TRMT11: variants seen among roughly 807,000 people sequenced by gnomAD.
TRMT11 encodes tRNA methyltransferase 11.
In TRMT11, 53 loss-of-function variants were observed where a neutral mutation model predicts 62.8. The ratio of observed to expected loss-of-function variants is 0.84; its 90% CI spans 0.68 to 1.06. The LOEUF is 1.06. TRMT11 is among the 50% of genes least tolerant of loss of function. TRMT11 has a pLI of 0.00. For synonymous variants in TRMT11, 188 were observed against 190.3 expected (o/e 0.99, Z 0.10); for missense variants, 556 against 553.4 (o/e 1.00, Z -0.05).
the TRMT11 span, among the ~76,000 whole-genome samples, chr6:126,216,838 GTCTC>G: frequency 1.3e-5 from 2 of 151,586 alleles, no homozygotes; most frequent in Non-Finnish European, 2.9e-5. Flanking sequence ...TTATACACCT[GTCTC>G]TCTCTCTTCC....
intron 11 of TRMT11, among the ~76,000 whole-genome samples, chr6:126,017,334 A>G (rs905387575): frequency 2.0e-5 from 3 of 152,230 alleles, no homozygotes; most frequent in Non-Finnish European, 4.4e-5. Context: ...TGAAAAGTAT[A>G]AGACATAAAA....
At chr6:126,170,243 C>T (rs1159348736) in intron 21 of TRMT11, among the ~76,000 whole-genome samples, 2 of 152,034 alleles carry the variant, frequency 1.3e-5, no homozygotes, top group Non-Finnish European at 2.9e-5. Context: ...GTTTTATTCT[C>T]TTACCATGCA....
intron 12 of TRMT11, among the ~76,000 whole-genome samples, chr6:126,022,547 G>A (rs1795981985): frequency 6.6e-6 from 1 of 152,102 alleles, no homozygotes; most frequent in Non-Finnish European, 1.5e-5. Context: ...CCTGGTTTAT[G>A]TTCACAGTCT....
intron 2 of TRMT11, among the ~76,000 whole-genome samples, chr6:125,994,097 T>C (rs1791057569): frequency 6.6e-6 from 1 of 152,348 alleles, no homozygotes; most frequent in African/African-American, 2.4e-5. Context: ...ATTGGTGAGC[T>C]GTGTTTAGAA....
At chr6:126,106,641 G>A (rs1277770012) in intron 17 of TRMT11, among the ~76,000 whole-genome samples, 1 of 152,126 alleles carries the variant, frequency 6.6e-6, no homozygotes, top group Non-Finnish European at 1.5e-5. Context: ...GACCTTTGGT[G>A]GAATATTTTC....
intron 1 of TRMT11, among the ~76,000 whole-genome samples, chr6:126,194,397 C>A (rs975237714): frequency 6.6e-6 from 1 of 152,198 alleles, no homozygotes; most frequent in Non-Finnish European, 1.5e-5. Flanking sequence ...ATGGTACACA[C>A]TACTGACCAT....
At chr6:126,076,920 A>G (rs1777040591) in intron 17 of TRMT11, among the ~76,000 whole-genome samples, 1 of 152,186 alleles carries the variant, frequency 6.6e-6, no homozygotes, top group African/African-American at 2.4e-5. Context: ...ACTCCCCTCT[A>G]TTCTGATCAT....
chr6:126,075,537 T>C (rs1776997288), intron 17 of TRMT11, among the ~76,000 whole-genome samples: 1 of 152,054 alleles, frequency 6.6e-6, no homozygotes, highest in Admixed American at 6.6e-5. Flanking sequence ...TGCTTCCCCT[T>C]TGCCTTCCTC....
intron 7 of TRMT11, among the ~76,000 whole-genome samples, chr6:126,001,638 C>T (rs1792506258): frequency 6.6e-6 from 1 of 151,930 alleles, no homozygotes; most frequent in Non-Finnish European, 1.5e-5. Context: ...TGCTATTAAG[C>T]AATCTGTGGA....
intron 11 of TRMT11, among the ~76,000 whole-genome samples, chr6:126,015,479 C>T (rs908327321): frequency 3.9e-5 from 6 of 151,946 alleles, no homozygotes; most frequent in South Asian, 4.1e-4. Flanking sequence ...CCACTTGCCT[C>T]GGTGCTGGGA....
chr6:126,199,542 A>G (rs993706828), intron 2 of TRMT11, among the ~76,000 whole-genome samples: 2 of 152,212 alleles, frequency 1.3e-5, no homozygotes, highest in Non-Finnish European at 2.9e-5. Flanking sequence ...TCAGTATTCA[A>G]ATGCTAGCAC....
At chr6:126,234,276 A>G in the TRMT11 span, among the ~76,000 whole-genome samples, 1 of 152,200 alleles carries the variant, frequency 6.6e-6, no homozygotes, top group African/African-American at 2.4e-5. Context: ...TCAAAGCAGA[A>G]TGTGAAATAT....
chr6:126,103,456 T>TA (rs1443423013), intron 17 of TRMT11, among the ~76,000 whole-genome samples: 1 of 152,202 alleles, frequency 6.6e-6, no homozygotes, highest in African/African-American at 2.4e-5. Context: ...TTTCTGTAAT[T>TA]ACAATTCTGT....
chr6:126,002,886 C>T (rs552183031), intron 7 of TRMT11, among the ~76,000 whole-genome samples: 14 of 152,090 alleles, frequency 9.2e-5, no homozygotes, highest in South Asian at 2.1e-4. Context: ...TTCTTATTTT[C>T]GCTACTTTCT....
At chr6:126,131,078 A>G (rs570808131) in intron 21 of TRMT11, among the ~76,000 whole-genome samples, 11 of 152,244 alleles carry the variant, frequency 7.2e-5, no homozygotes, top group Non-Finnish European at 1.2e-4. Context: ...TCTTTGGCAG[A>G]CATAGACAAA....
rs145109713 is a variant in TRMT11 at position 126,097,616 on chromosome 6, A to AT, written c.*1438-15240dup. On this transcript the variant is annotated intron_variant and NMD_transcript_variant, in intron 17 of 22. Transcript: ENST00000648977. ...AAAGTGTCTGAAGCATGGTTCAGGAATTTTTTTTTTAATTCTCGTGTTCTC... is the reference window on the plus strand; with the variant it reads ...AAAGTGTCTGAAGCATGGTTCAGGAATTTTTTTTTTTAATTCTCGTGTTCTC... Among the ~76,000 whole-genome samples, 1,257 of 150,746 alleles carry AT rather than the reference A, an allele frequency of 8.3e-3. 17 individuals are homozygous for AT. The highest frequency in any genetic ancestry group is 0.028 in the African/African-American group (1,164 of 41,168).
At chr6:126,242,837 GAAAACCTAGGCAAT>G in the TRMT11 span, among the ~76,000 whole-genome samples, 1 of 152,126 alleles carries the variant, frequency 6.6e-6, no homozygotes, top group Non-Finnish European at 1.5e-5. Flanking sequence ...AACCCTAGAA[GAAAACCTAGGCAAT>G]ACCATTCAGG....
the TRMT11 span, among the ~76,000 whole-genome samples, chr6:126,233,182 T>C: frequency 6.6e-6 from 1 of 152,188 alleles, no homozygotes; most frequent in Non-Finnish European, 1.5e-5. Context: ...GTGCCTCAGT[T>C]TCCTCACTAT....
At chr6:126,151,806 T>TTTTCTTTCTTTCTTTC (rs754465295) in intron 21 of TRMT11, among the ~76,000 whole-genome samples, 2,037 of 86,906 alleles carry the variant, frequency 0.023, 59 homozygotes, top group Middle Eastern at 0.055. Context: ...CCTCTCTGTC[T>TTTTCTTTCTTTCTTTC]TTTCTTTCTT....
Sources: gnomAD v4.1 joint callset for allele counts (sites outside exome capture counted in the v4.1 genomes callset) on GRCh38, gnomAD v4.1.1 for gene constraint, MANE v1.5 for transcripts, NCBI Gene and HGNC (gene_info 2026-07-23, HGNC 2026-07-21) for gene names.